ZBTB20: variants seen among roughly 807,000 people sequenced by gnomAD.
The protein encoded by ZBTB20 is zinc finger and BTB domain-containing protein 20.
In ZBTB20, 9 loss-of-function variants were observed where a neutral mutation model predicts 56.9. The observed-to-expected ratio is 0.16, with a 90% confidence interval of 0.10 to 0.28. The LOEUF is 0.28. Ranked by LOEUF, ZBTB20 falls within the 10% of genes least tolerant of loss-of-function variation. The pLI, the probability that ZBTB20 is intolerant of heterozygous loss-of-function variation, is 1.00. For synonymous variants in ZBTB20, 417 were observed against 420.7 expected (o/e 0.99, Z 0.11); for missense variants, 655 against 1,003.0 (o/e 0.65, Z 4.69).
chr3:114,482,970 T>C (rs548263703), intron 7 of ZBTB20, among the ~76,000 whole-genome samples: 4 of 152,292 alleles, frequency 2.6e-5, no homozygotes, highest in African/African-American at 7.2e-5. Flanking sequence ...AGCACAAATA[T>C]AGGCCTATTA....
At chr3:114,519,353 C>G (rs952385896) in intron 6 of ZBTB20, among the ~76,000 whole-genome samples, 5 of 152,162 alleles carry the variant, frequency 3.3e-5, no homozygotes, top group Admixed American at 6.5e-5. Flanking sequence ...AAAATCTCCT[C>G]AAGTTCAACC....
At chr3:115,110,544 T>C (rs149190833) in intron 1 of ZBTB20, among the ~76,000 whole-genome samples, 1 of 152,344 alleles carries the variant, frequency 6.6e-6, no homozygotes, top group African/African-American at 2.4e-5. Flanking sequence ...AGAATGTATG[T>C]CCGATATGTT....
intron 6 of ZBTB20, among the ~76,000 whole-genome samples, chr3:114,558,119 C>G (rs2051488822): frequency 6.6e-6 from 1 of 151,990 alleles, no homozygotes; most frequent in Non-Finnish European, 1.5e-5. Context: ...GTAGTAATTT[C>G]TGGGAACTAC....
intron 6 of ZBTB20, among the ~76,000 whole-genome samples, chr3:114,684,030 A>T (rs1441360555): frequency 6.6e-6 from 1 of 152,086 alleles, no homozygotes; most frequent in African/African-American, 2.4e-5. Flanking sequence ...TTATATTCCA[A>T]ACAAGTTGTC....
intron 7 of ZBTB20, among the ~76,000 whole-genome samples, chr3:114,417,320 T>G (rs1476989760): frequency 6.6e-6 from 1 of 152,108 alleles, no homozygotes; most frequent in Non-Finnish European, 1.5e-5. Context: ...AAAACACTCA[T>G]GTGGACTTTA....
At chr3:114,793,771 C>T (rs890541146) in intron 5 of ZBTB20, among the ~76,000 whole-genome samples, 2 of 152,016 alleles carry the variant, frequency 1.3e-5, no homozygotes, top group African/African-American at 4.8e-5. Context: ...AATGCAGGCT[C>T]AAGCTTTTTT....
At chr3:114,613,961 T>A (rs1033939443) in intron 6 of ZBTB20, among the ~76,000 whole-genome samples, 1 of 152,184 alleles carries the variant, frequency 6.6e-6, no homozygotes, top group African/African-American at 2.4e-5. Context: ...ACAGTAATTT[T>A]ATAATAAAAA....
intron 6 of ZBTB20, among the ~76,000 whole-genome samples, chr3:114,691,195 G>A (rs956106267): frequency 2.6e-5 from 4 of 152,022 alleles, no homozygotes; most frequent in African/African-American, 9.7e-5. Context: ...ATACTATGAA[G>A]AAAAATACTA....
chr3:114,629,710 T>C (rs1334251032), intron 6 of ZBTB20, among the ~76,000 whole-genome samples: 1 of 152,206 alleles, frequency 6.6e-6, no homozygotes, highest in Non-Finnish European at 1.5e-5. Flanking sequence ...TATAGATTAT[T>C]TTAATATTCT....
At chr3:114,847,900 T>G (rs1333401835) in intron 4 of ZBTB20, among the ~76,000 whole-genome samples, 2 of 152,208 alleles carry the variant, frequency 1.3e-5, no homozygotes, top group African/African-American at 4.8e-5. Context: ...ATATACATAC[T>G]GCATTAAAAT....
chr3:114,655,582 T>C (rs2060365118), intron 6 of ZBTB20, among the ~76,000 whole-genome samples: 1 of 152,202 alleles, frequency 6.6e-6, no homozygotes, highest in African/African-American at 2.4e-5. Context: ...GTTAAACTGA[T>C]CAATTATTTT....
chr3:115,104,661 G>A (rs1239706914), intron 1 of ZBTB20, among the ~76,000 whole-genome samples: 1 of 152,056 alleles, frequency 6.6e-6, no homozygotes, highest in African/African-American at 2.4e-5. Context: ...TTCTGAAAAG[G>A]CAAAACCATG....
intron 3 of ZBTB20, among the ~76,000 whole-genome samples, chr3:114,918,320 C>T (rs1288910824): frequency 1.3e-5 from 2 of 152,066 alleles, no homozygotes; most frequent in Admixed American, 1.3e-4. Flanking sequence ...GTCCTGGATT[C>T]AGGAACCCCA....
chr3:114,805,187 T>A (rs1237671340), intron 4 of ZBTB20, among the ~76,000 whole-genome samples: 1 of 151,922 alleles, frequency 6.6e-6, no homozygotes, highest in African/African-American at 2.4e-5. Flanking sequence ...AATTAAGAAA[T>A]TAATATTGAC....
At chr3:115,037,221 A>T (rs1265421279) in intron 2 of ZBTB20, among the ~76,000 whole-genome samples, 2 of 152,194 alleles carry the variant, frequency 1.3e-5, no homozygotes, top group Non-Finnish European at 2.9e-5. Flanking sequence ...TGACCAAAGT[A>T]ACAAGCACAG....
chr3:115,024,489 A>C (rs1020484744), intron 2 of ZBTB20, among the ~76,000 whole-genome samples: 4 of 151,074 alleles, frequency 2.6e-5, no homozygotes, highest in African/African-American at 9.7e-5. Context: ...TATCCTCCTC[A>C]TTAAAACTTA....
intron 6 of ZBTB20, among the ~76,000 whole-genome samples, chr3:114,602,162 G>T (rs1191213012): frequency 6.6e-6 from 1 of 151,936 alleles, no homozygotes; most frequent in East Asian, 1.9e-4. Context: ...AATCACACTA[G>T]CATTGGCCCT....
rs964634489 is a variant in ZBTB20 at position 114,939,166 on chromosome 3, A to G, written c.-456+35200T>C. ...ACAGAGCTGAGAAAGACACTTGTAT[A>G]CATATGATTTTATTCCCGTTCTAGG... On this transcript the variant is annotated intron_variant, in intron 3 of 11. Transcript: ENST00000675478. Among the ~76,000 whole-genome samples, 2 of 146,318 alleles carry G rather than the reference A, an allele frequency of 1.4e-5. 1 individual carries two copies. The highest frequency in any genetic ancestry group is 5.6e-5 in the African/African-American group (2 of 35,970).
chr3:114,990,941 C>T (rs1285302194), intron 2 of ZBTB20, among the ~76,000 whole-genome samples: 6 of 152,042 alleles, frequency 3.9e-5, no homozygotes, highest in Admixed American at 6.6e-5. Context: ...TCTGTGGAAT[C>T]GATGGTGATA....
Sources: gnomAD v4.1 joint callset for allele counts (sites outside exome capture counted in the v4.1 genomes callset) on GRCh38, gnomAD v4.1.1 for gene constraint, MANE v1.5 for transcripts, NCBI Gene and HGNC (gene_info 2026-07-23, HGNC 2026-07-21) for gene names.